The following TRDMT1 variants were observed in gnomAD, a reference collection of about 807,000 sequenced individuals.
TRDMT1 encodes the protein tRNA aspartic acid methyltransferase 1.
Under a neutral mutation model 51.2 loss-of-function variants are expected in TRDMT1, and 49 were observed. The observed-to-expected ratio is 0.96, with a 90% confidence interval of 0.76 to 1.21. TRDMT1 has a LOEUF of 1.21. TRDMT1 is among the 50% of genes most tolerant of loss of function. The pLI, the probability that TRDMT1 is intolerant of heterozygous loss-of-function variation, is 0.00. For synonymous variants in TRDMT1, 187 were observed against 164.6 expected, an observed-to-expected ratio of 1.14 and a Z score of -1.04; for missense variants, 534 against 462.3, an observed-to-expected ratio of 1.16 and a Z score of -1.42.
intron 1 of TRDMT1, 128 bp downstream of exon 1, chr10:17,201,443 G>GACC: frequency 1.0e-6 from 1 of 954,608 alleles, no homozygotes; most frequent in Non-Finnish European, 1.5e-6. Context: ...GACAACCGAG[G>GACC]GCCGCCCCAC....
chr10:17,201,390 G>C, intron 1 of TRDMT1, 181 bp downstream of exon 1: 1 of 564,176 alleles, frequency 1.8e-6, no homozygotes, highest in South Asian at 2.5e-5. Flanking sequence ...GGGAGTCAGC[G>C]TCTGGAGGGG....
Position 17,147,552 on chromosome 10 carries a change from A to C in TRDMT1, c.*1488T>G, listed in dbSNP as rs1838226230. On this transcript the variant is annotated 3_prime_UTR_variant, in exon 11 of 11. Transcript: ENST00000377799. ...GAAACTTTGTATCCATTATGCACTA[A>C]CTACCCATTCTCCATCCCCACAGGG... The C allele has an allele frequency of 5.8e-6, 1 of 171,126 alleles. No individual in the cohort carries two copies. The highest frequency in any genetic ancestry group is 2.4e-5 in the African/African-American group (1 of 41,808). 10.6% of individuals were successfully genotyped at this position (171,126 alleles called of 1,614,324 possible). A position where few individuals can be genotyped will look rare whatever the true frequency, so the allele number is the denominator to read the frequency against.
At chr10:17,185,430 G>A (rs907157506) in intron 1 of TRDMT1, among the ~76,000 whole-genome samples, 2 of 152,174 alleles carry the variant, frequency 1.3e-5, no homozygotes, top group Admixed American at 1.3e-4. Context: ...ACAGGTGCTG[G>A]AGAGGATGTG....
At position 17,157,555 on chromosome 10, in the gene TRDMT1, T is replaced by C; in HGVS notation, c.773A>G (p.Glu258Gly). 2 of 1,614,126 alleles carry C rather than the reference T, an allele frequency of 1.2e-6. No homozygotes were observed. Among genetic ancestry groups the C allele is most frequent in the East Asian group, 4.5e-5 (2 of 44,860 alleles). Residue 258 changes from glutamate to glycine, a missense_variant, in exon 8 of 11, where the codon GAA (glutamate) becomes GGA (glycine). Transcript: ENST00000377799. ...LSVKMLKDFL[E>G]DDTDVNQYLL... ...ATACTGGTTCACGTCAGTGTCATCTTCAAGAAAATCTTTTAGCATTTTCAC... is the reference window on the plus strand; with the variant it reads ...ATACTGGTTCACGTCAGTGTCATCTCCAAGAAAATCTTTTAGCATTTTCAC...
intron 1 of TRDMT1, among the ~76,000 whole-genome samples, chr10:17,184,164 A>G (rs11254439): frequency 0.14 from 20,786 of 152,188 alleles, 1,508 homozygotes; most frequent in Admixed American, 0.17. Flanking sequence ...CATGTGATGC[A>G]GTCAATTACA....
In TRDMT1 at chr10:17,139,236, C is replaced by T. The variant is rs1837514012; in HGVS notation, c.*9804G>A. ...ACAAAATGAGTTTTCTACTTGGTGA[C>T]CCCTAAAATTCCCCAAACAAGGCGG... is the stretch of plus-strand genomic sequence containing the variant. On this transcript the variant is annotated 3_prime_UTR_variant, in exon 11 of 11. Coordinates refer to ENST00000377799, the MANE Select transcript of TRDMT1 (RefSeq NM_004412.7). 1.0e-6 allele frequency: 1 copy of T among 985,014 alleles called. No homozygotes were observed. Among genetic ancestry groups the T allele is most frequent in the Admixed American group, 6.2e-5 (1 of 16,256 alleles). 61.0% of individuals were successfully genotyped at this position (985,014 alleles called of 1,614,324 possible).
At position 17,148,165 on chromosome 10, in the gene TRDMT1, A is replaced by G; in HGVS notation, c.*875T>C. On this transcript the variant is annotated 3_prime_UTR_variant, in exon 11 of 11. Coordinates refer to ENST00000377799, the MANE Select transcript of TRDMT1 (RefSeq NM_004412.7). ...AGAGACAGAGAAAGTTAAAAGTCAT[A>G]AAAGTTCATTGAGAGTGTATGTTGC... 1.0e-6 allele frequency: 1 copy of G among 985,444 alleles called. No individual in the cohort carries two copies. Among genetic ancestry groups the G allele is most frequent in the Non-Finnish European group, 1.2e-6 (1 of 829,944 alleles). The allele number at this position is 985,444 out of a possible 1,614,324, so 61.0% of individuals were successfully genotyped here.
chr10:17,168,803 A>G (rs1349437346), intron 3 of TRDMT1, 38 bp downstream of exon 3: 3 of 1,443,696 alleles, frequency 2.1e-6, no homozygotes, highest in Non-Finnish European at 1.9e-6. Context: ...CAGCATGAAA[A>G]TGGACCAATA....
intron 1 of TRDMT1, among the ~76,000 whole-genome samples, chr10:17,196,146 A>G (rs1328956458): frequency 2.0e-5 from 3 of 152,256 alleles, no homozygotes; most frequent in Non-Finnish European, 4.4e-5. Context: ...AGAGATTCAG[A>G]AAATGAATAA....
At chr10:17,189,111 C>T (rs186363450) in intron 1 of TRDMT1, among the ~76,000 whole-genome samples, 1 of 152,124 alleles carries the variant, frequency 6.6e-6, no homozygotes, top group Admixed American at 6.5e-5. Context: ...GAAGAGATTT[C>T]CTTTCAGAAG....
At chr10:17,179,381 C>T (rs1842998651) in intron 1 of TRDMT1, among the ~76,000 whole-genome samples, 1 of 152,086 alleles carries the variant, frequency 6.6e-6, no homozygotes, top group Admixed American at 6.6e-5. Context: ...CCTGAGGATG[C>T]AGGGACCTCA....
Position 17,145,763 on chromosome 10 carries a change from A to C in TRDMT1, c.*3277T>G, listed in dbSNP as rs1838050872. ...CTTAAGTTATCAAAGCAAAAGAGCA[A>C]CCAGAGTGACTTTGGTTTGGATGCA... On this transcript the variant is annotated 3_prime_UTR_variant, in exon 11 of 11. Transcript: ENST00000377799. 1 of 985,362 alleles carries C rather than the reference A, an allele frequency of 1.0e-6. No homozygotes were observed. Among genetic ancestry groups the C allele is most frequent in the African/African-American group, 1.7e-5 (1 of 57,258 alleles). 61.0% of individuals were successfully genotyped at this position (985,362 alleles called of 1,614,324 possible). A position where few individuals can be genotyped will look rare whatever the true frequency, so the allele number is the denominator to read the frequency against.
intron 1 of TRDMT1, among the ~76,000 whole-genome samples, chr10:17,186,576 T>A (rs1045220040): frequency 6.6e-6 from 1 of 152,144 alleles, no homozygotes; most frequent in African/African-American, 2.4e-5. Context: ...TGCAGCCCTG[T>A]TGATAACTTG....
chr10:17,153,416 T>G (rs749730311), intron 10 of TRDMT1, 91 bp downstream of exon 10: 86 of 1,463,632 alleles, frequency 5.9e-5, no homozygotes, highest in Admixed American at 2.1e-5. Context: ...CTTGAGCCCA[T>G]TTGTTTAGGC....
intron 10 of TRDMT1, chr10:17,150,536 A>G: frequency 1.0e-6 from 1 of 985,434 alleles, no homozygotes; most frequent in Non-Finnish European, 1.2e-6. Context: ...GTCCACGTAC[A>G]AGCGTGTGCA....
chr10:17,143,766 G>C lies in TRDMT1; in HGVS notation c.*5274C>G. 1.0e-6 allele frequency: 1 copy of C among 985,378 alleles called. No homozygotes were observed. The highest frequency in any genetic ancestry group is 1.2e-6 in the Non-Finnish European group (1 of 829,916). 61.0% of individuals were successfully genotyped at this position (985,378 alleles called of 1,614,324 possible). ...GCCATTTTAACAGAAGCTGACCAAT[G>C]GAATGCAGAGTGAGAAGGAAGGTGA... On this transcript the variant is annotated 3_prime_UTR_variant, in exon 11 of 11. Transcript: ENST00000377799.
intron 3 of TRDMT1, among the ~76,000 whole-genome samples, chr10:17,167,426 T>C (rs2131472499): frequency 6.6e-6 from 1 of 152,306 alleles, no homozygotes; most frequent in Non-Finnish European, 1.5e-5. Context: ...ATCTGTAAAA[T>C]CATTGTAACA....
chr10:17,148,845 T>C lies in TRDMT1; in HGVS notation c.*195A>G, dbSNP rs1838339734. The stretch of plus-strand genomic sequence containing the variant: ...ACTCTCCATAAAGCATAACAATAGT[T>C]CGTATTTTATAAAATACAGTAATAT... On this transcript the variant is annotated 3_prime_UTR_variant, in exon 11 of 11. Coordinates refer to ENST00000377799, the MANE Select transcript of TRDMT1 (RefSeq NM_004412.7). 1 of 1,185,636 alleles carries C rather than the reference T, an allele frequency of 8.4e-7. No homozygotes were observed. Among genetic ancestry groups the C allele is most frequent in the South Asian group, 2.2e-5 (1 of 45,018 alleles). The allele number at this position is 1,185,636 out of a possible 1,614,324, so 73.4% of individuals were successfully genotyped here. A position where few individuals can be genotyped will look rare whatever the true frequency, so the allele number is the denominator to read the frequency against.
At chr10:17,193,922 T>C (rs1845034928) in intron 1 of TRDMT1, among the ~76,000 whole-genome samples, 1 of 152,140 alleles carries the variant, frequency 6.6e-6, no homozygotes, top group South Asian at 2.1e-4. Flanking sequence ...ACTATAAGAC[T>C]ACGGTAACCA....
Sources: gnomAD v4.1 joint callset for allele counts (sites outside exome capture counted in the v4.1 genomes callset) on GRCh38, gnomAD v4.1.1 for gene constraint, MANE v1.5 for transcripts, NCBI Gene and HGNC (gene_info 2026-07-23, HGNC 2026-07-21) for gene names.